The following LHPP variants were observed in gnomAD, a reference collection of about 807,000 sequenced individuals.
LHPP encodes the protein hLHPP.
Under a neutral mutation model 30.3 loss-of-function variants are expected in LHPP, and 24 were observed. The observed-to-expected ratio is 0.79, with a 90% CI of 0.57 to 1.11. The LOEUF (loss-of-function observed/expected upper bound fraction) is 1.11, where lower values mean the gene tolerates loss of function less well. Among genes scored for constraint, LHPP ranks in the 50% most tolerant of loss-of-function variants. The pLI is 0.00. For missense variants in LHPP, 356 were observed against 367.2 expected (o/e 0.97, Z 0.25); for synonymous variants, 150 against 157.1 (o/e 0.95, Z 0.34).
Position 124,592,909 on chromosome 10 carries a change from G to T in LHPP, c.717-20355G>T, listed in dbSNP as rs2134003161. On this transcript the variant is annotated intron_variant, in intron 6 of 6. Coordinates refer to ENST00000368842, the MANE Select transcript of LHPP (RefSeq NM_022126.4). The surrounding 1 kb of genome is among the most constrained non-coding windows in gnomAD (Gnocchi z 6.2). ...GTGGGCACAATCGGCCCAGTGTGGG[G>T]CGCACCGCCCCAGGCAGGCTGGCGT... is the stretch of plus-strand genomic sequence containing the variant. Among the ~76,000 whole-genome samples, 1 of 152,370 alleles carries T rather than the reference G, an allele frequency of 6.6e-6. No individual in the cohort carries two copies. The highest frequency in any genetic ancestry group is 2.1e-4 in the South Asian group (1 of 4,832).
intron 6 of LHPP, among the ~76,000 whole-genome samples, chr10:124,609,752 G>A (rs1361855117): frequency 6.6e-6 from 1 of 152,212 alleles, no homozygotes; most frequent in Non-Finnish European, 1.5e-5. Flanking sequence ...GTCCTGCTGT[G>A]TGTATTCCTC....
intron 6 of LHPP, among the ~76,000 whole-genome samples, chr10:124,569,045 G>C (rs907777459): frequency 6.6e-6 from 1 of 152,198 alleles, no homozygotes; most frequent in Non-Finnish European, 1.5e-5. Context: ...GCTGGTAATG[G>C]GGGTGAGGGG....
intron 6 of LHPP, among the ~76,000 whole-genome samples, chr10:124,606,628 G>C (rs1352406964): frequency 6.6e-6 from 1 of 152,274 alleles, no homozygotes; most frequent in African/African-American, 2.4e-5. Context: ...TTACAGATGA[G>C]GAAACTGAGG....
intron 1 of LHPP, 80 bp downstream of exon 1, chr10:124,462,067 C>T (rs1362158816): frequency 1.7e-6 from 2 of 1,144,368 alleles, no homozygotes; most frequent in Non-Finnish European, 2.2e-6. Flanking sequence ...GGGGGCGGGG[C>T]GGCAGGGGGC....
chr10:124,474,090 T>G (rs1952869844), intron 1 of LHPP, among the ~76,000 whole-genome samples: 1 of 151,826 alleles, frequency 6.6e-6, no homozygotes, highest in Admixed American at 6.6e-5. Context: ...AGCATTTTGT[T>G]GTTGAAGGGT....
At position 124,554,618 on chromosome 10, in the gene LHPP, A is replaced by G. The variant is rs116456394; in HGVS notation, c.716+37347A>G. ...TGCTGCTGTCCTTGTCATCTCTATC[A>G]TTGACAGCCCTAGACGAGCTGAAGG... On this transcript the variant is annotated intron_variant, in intron 6 of 6. Coordinates refer to ENST00000368842, the MANE Select transcript of LHPP (RefSeq NM_022126.4). Among the ~76,000 whole-genome samples the G allele has an allele frequency of 4.2e-3, 643 of 152,130 alleles. 2 individuals carry two copies. The highest frequency in any genetic ancestry group is 0.015 in the African/African-American group (625 of 41,512).
At position 124,523,774 on chromosome 10, in the gene LHPP, G is replaced by A. The variant is rs1246628895; in HGVS notation, c.716+6503G>A. Among the ~76,000 whole-genome samples the A allele has an allele frequency of 1.3e-5, 2 of 152,210 alleles. No homozygotes were observed. The highest frequency in any genetic ancestry group is 4.8e-5 in the African/African-American group (2 of 41,454). ...CAGCCCCGGTGGAGAGAAAGGGCCA[G>A]TGCTGGGCTTGGGAGCTCACCCCAA... On this transcript the variant is annotated intron_variant, in intron 6 of 6. Transcript: ENST00000368842. The surrounding 1 kb of genome is among the most constrained non-coding windows in gnomAD (Gnocchi z 4.2).
chr10:124,467,119 A>T (rs149515836), intron 1 of LHPP, among the ~76,000 whole-genome samples: 135 of 102,416 alleles, frequency 1.3e-3, no homozygotes, highest in East Asian at 5.4e-3. Flanking sequence ...GTGAGACTCT[A>T]AAAAAAAAAA....
chr10:124,562,173 G>A (rs1948406816), intron 6 of LHPP, among the ~76,000 whole-genome samples: 1 of 152,070 alleles, frequency 6.6e-6, no homozygotes, highest in Non-Finnish European at 1.5e-5. Context: ...TGAGCATGGT[G>A]GCACACACCT....
chr10:124,549,649 G>T (rs558062284), intron 6 of LHPP, among the ~76,000 whole-genome samples: 15 of 152,362 alleles, frequency 9.8e-5, no homozygotes, highest in Non-Finnish European at 2.2e-4. Context: ...ATCTGGGGTT[G>T]CCATGGTGGT....
At chr10:124,581,162 TG>T (rs1448874626) in intron 6 of LHPP, among the ~76,000 whole-genome samples, 4 of 136,312 alleles carry the variant, frequency 2.9e-5, no homozygotes, top group Non-Finnish European at 6.3e-5. Context: ...TCATATAGTA[TG>T]TGGCCTTTTC....
chr10:124,570,125 TC>T (rs1948559947), intron 6 of LHPP, among the ~76,000 whole-genome samples: 1 of 152,216 alleles, frequency 6.6e-6, no homozygotes, highest in African/African-American at 2.4e-5. Flanking sequence ...GGCCAGTCCC[TC>T]CCTGGCTTCA....
rs1953005514 is a variant in LHPP at position 124,478,030 on chromosome 10, C to T, written c.126-6109C>T. Among the ~76,000 whole-genome samples the T allele has an allele frequency of 6.6e-6, 1 of 152,116 alleles. No homozygotes were observed. Among genetic ancestry groups the T allele is most frequent in the Admixed American group, 6.5e-5 (1 of 15,268 alleles). ...ATGGGGCTGGTCCTGCGCCAGGGTG[C>T]CCCCAGGTGCTGATCTTGGCTCCAC... On this transcript the variant is annotated intron_variant, in intron 1 of 6. Transcript: ENST00000368842. This position sits in a 1 kb window ranked among gnomAD's most constrained non-coding sequence, Gnocchi z 4.7.
Position 124,593,404 on chromosome 10 carries a change from C to T in LHPP, c.717-19860C>T, listed in dbSNP as rs1213874111. Among the ~76,000 whole-genome samples the T allele has an allele frequency of 2.0e-5, 3 of 152,202 alleles. No homozygotes were observed. The highest frequency in any genetic ancestry group is 7.2e-5 in the African/African-American group (3 of 41,460). On this transcript the variant is annotated intron_variant, in intron 6 of 6. Coordinates refer to ENST00000368842, the MANE Select transcript of LHPP (RefSeq NM_022126.4). The surrounding 1 kb of genome is among the most constrained non-coding windows in gnomAD (Gnocchi z 4.9). Reference sequence around the variant, plus strand: ...CCCTCCCGGGCCTCAGTTTCCACACCTGAGATGGGAGAGGTTGCATCCTAA... The same window carrying T: ...CCCTCCCGGGCCTCAGTTTCCACACTTGAGATGGGAGAGGTTGCATCCTAA...
intron 6 of LHPP, among the ~76,000 whole-genome samples, chr10:124,575,132 G>C (rs1202356842): frequency 6.6e-6 from 1 of 151,738 alleles, no homozygotes; most frequent in Non-Finnish European, 1.5e-5. Flanking sequence ...CCCAAATATT[G>C]AGCAATTACA....
Position 124,610,822 on chromosome 10 carries a change from TGAGGGTGAGGGTGAGGGTGA to T in LHPP, c.717-2440_717-2421del, listed in dbSNP as rs1949178310. ...CGGGTGAGGGTGCTGATGGAGCGGG[TGAGGGTGAGGGTGAGGGTGA>T]GGGTGTTGACGGAGCGGGTGAGGGT... is the stretch of plus-strand genomic sequence containing the variant. On this transcript the variant is annotated intron_variant, in intron 6 of 6. Transcript: ENST00000368842. 9.9e-4 allele frequency among the ~76,000 whole-genome samples: 6 copies of T among 6,042 alleles called. No homozygotes were observed. In the South Asian group the frequency reaches 0.021, roughly 21 times the overall value. The allele number at this position is 6,042 out of a possible 152,430, so 4.0% of individuals were successfully genotyped here.
chr10:124,522,699 G>A (rs887485915), intron 6 of LHPP, among the ~76,000 whole-genome samples: 1 of 150,782 alleles, frequency 6.6e-6, no homozygotes, highest in Non-Finnish European at 1.5e-5. Flanking sequence ...GCGAGGCCCA[G>A]TGGGTAAGTG....
chr10:124,571,830 A>C (rs1948588403), intron 6 of LHPP, among the ~76,000 whole-genome samples: 1 of 152,164 alleles, frequency 6.6e-6, no homozygotes, highest in African/African-American at 2.4e-5. Context: ...GATAGACAAC[A>C]TGGCGATGGA....
chr10:124,576,662 A>G lies in LHPP; in HGVS notation c.717-36602A>G, dbSNP rs1948667295. Among the ~76,000 whole-genome samples, 1 of 151,882 alleles carries G rather than the reference A, an allele frequency of 6.6e-6. No individual in the cohort carries two copies. Among genetic ancestry groups the G allele is most frequent in the African/African-American group, 2.4e-5 (1 of 41,338 alleles). On this transcript the variant is annotated intron_variant, in intron 6 of 6. Coordinates refer to ENST00000368842, the MANE Select transcript of LHPP (RefSeq NM_022126.4). This position sits in a 1 kb window ranked among gnomAD's most constrained non-coding sequence, Gnocchi z 4.2. Reference sequence around the variant, plus strand: ...GGATACAGAGGTCTCCTCACTGCACACACAAAACTCCTTCCCTGAGCGAGG... The same window carrying G: ...GGATACAGAGGTCTCCTCACTGCACGCACAAAACTCCTTCCCTGAGCGAGG...
Sources: allele counts gnomAD v4.1 joint callset (sites outside exome capture counted in the v4.1 genomes callset), GRCh38; gene constraint gnomAD v4.1.1; non-coding constraint Gnocchi (gnomAD v3.1); transcripts MANE v1.5; gene names NCBI Gene and HGNC (gene_info 2026-07-23, HGNC 2026-07-21).